PDE10A: variants seen among roughly 807,000 people sequenced by gnomAD.
The protein encoded by PDE10A is phosphodiesterase 10A.
A neutral mutation model predicts 97.7 loss-of-function variants in PDE10A; 39 were observed. The observed-to-expected ratio is 0.40, with a 90% CI of 0.31 to 0.52. The LOEUF is 0.52. PDE10A is among the 20% of genes least tolerant of loss of function. The pLI, the probability that PDE10A is intolerant of heterozygous loss-of-function variation, is 0.56. For missense variants in PDE10A, 731 were observed against 1,047.8 expected (o/e 0.70, Z 4.17); for synonymous variants, 371 against 376.8 (o/e 0.98, Z 0.18).
intron 1 of PDE10A, among the ~76,000 whole-genome samples, chr6:165,886,511 A>C (rs865863096): frequency 1.3e-5 from 2 of 152,258 alleles, no homozygotes; most frequent in South Asian, 2.1e-4. Flanking sequence ...GCCTGTGCAA[A>C]GTGAGTACAG....
At chr6:165,605,263 A>G (rs1428570473) in intron 1 of PDE10A, among the ~76,000 whole-genome samples, 3 of 152,034 alleles carry the variant, frequency 2.0e-5, no homozygotes, top group Non-Finnish European at 2.9e-5. Context: ...AAACAAAACA[A>G]AAAACAAACA....
intron 3 of PDE10A, among the ~76,000 whole-genome samples, chr6:165,454,457 A>G (rs1777827990): frequency 6.6e-6 from 1 of 152,200 alleles, no homozygotes; most frequent in South Asian, 2.1e-4. Context: ...GAGAGGTGGG[A>G]CCTTAAGAGA....
chr6:165,701,942 G>A (rs150890754), intron 1 of PDE10A, among the ~76,000 whole-genome samples: 143 of 152,302 alleles, frequency 9.4e-4, no homozygotes, highest in African/African-American at 3.3e-3. Context: ...GAACACTCCG[G>A]TGATACGGAG....
intron 16 of PDE10A, among the ~76,000 whole-genome samples, chr6:165,390,222 A>G (rs777029099): frequency 3.3e-5 from 5 of 152,204 alleles, no homozygotes; most frequent in Non-Finnish European, 7.3e-5. Flanking sequence ...AGGAAAACCA[A>G]GAGTGCCGAA....
Position 165,731,763 on chromosome 6 carries a change from G to A in PDE10A, c.-614-188195C>T, listed in dbSNP as rs557808062. 5.9e-5 allele frequency among the ~76,000 whole-genome samples: 9 copies of A among 152,306 alleles called. No individual in the cohort carries two copies. In the South Asian group the frequency reaches 1.7e-3, roughly 28 times the overall value. ...AGGACTTAGTGAGTGCTCCAGAAGA[G>A]TTAGTGACTGTCCTCATATTAAGTT... is the stretch of plus-strand genomic sequence containing the variant. On this transcript the variant is annotated intron_variant, in intron 1 of 19. Coordinates refer to the PDE10A transcript ENST00000366882.
chr6:165,594,073 T>TG, intron 1 of PDE10A, among the ~76,000 whole-genome samples: 1 of 152,338 alleles, frequency 6.6e-6, no homozygotes, highest in South Asian at 2.1e-4. Context: ...GCATTATAAC[T>TG]CATCATTTAA....
At chr6:165,710,984 GGGAGGC>G (rs1219613159) in intron 1 of PDE10A, among the ~76,000 whole-genome samples, 4 of 152,230 alleles carry the variant, frequency 2.6e-5, no homozygotes, top group Admixed American at 6.5e-5. Flanking sequence ...CCATCCCCGT[GGGAGGC>G]GGAACGGCAG....
At chr6:165,452,422 G>C (rs1791363757) in intron 3 of PDE10A, among the ~76,000 whole-genome samples, 1 of 152,216 alleles carries the variant, frequency 6.6e-6, no homozygotes, top group African/African-American at 2.4e-5. Context: ...AGTGTTGAGA[G>C]GTGGGACCTT....
rs77429229 is a variant in PDE10A at position 165,686,018 on chromosome 6, G to A, written c.-614-142450C>T. Among the ~76,000 whole-genome samples, 932 of 152,076 alleles carry A rather than the reference G, an allele frequency of 6.1e-3. 4 individuals carry two copies. Among genetic ancestry groups the A allele is most frequent in the South Asian group, 0.017 (83 of 4,806 alleles). On this transcript the variant is annotated intron_variant, in intron 1 of 19. Coordinates refer to the PDE10A transcript ENST00000366882. ...TGTGTTTGTGAATGGGGAAAGAGAT[G>A]GCCACTCTTCAGTGTGAATATTGGC...
chr6:165,929,621 C>G, intron 1 of PDE10A, among the ~76,000 whole-genome samples: 1 of 152,352 alleles, frequency 6.6e-6, no homozygotes, highest in African/African-American at 2.4e-5. Flanking sequence ...GCTGGAAAAT[C>G]ATGAAGTCGA....
Position 165,327,454 on chromosome 6 carries a change from T to A in PDE10A, c.*5571A>T, listed in dbSNP as rs1392348560. Reference sequence around the variant, plus strand: ...TTTAACCATGTAAGTAAAACAAAGATTTTGCAATATAACACTCATATATGC... The same window carrying A: ...TTTAACCATGTAAGTAAAACAAAGAATTTGCAATATAACACTCATATATGC... On this transcript the variant is annotated 3_prime_UTR_variant, in exon 22 of 22. Transcript: ENST00000539869. 2 of 152,218 alleles carry A rather than the reference T, an allele frequency of 1.3e-5. No homozygotes were observed. Among genetic ancestry groups the A allele is most frequent in the Non-Finnish European group, 2.9e-5 (2 of 68,036 alleles). 9.4% of individuals were successfully genotyped at this position (152,218 alleles called of 1,614,324 possible).
At chr6:165,815,127 T>A (rs1779375328) in intron 1 of PDE10A, among the ~76,000 whole-genome samples, 1 of 152,232 alleles carries the variant, frequency 6.6e-6, no homozygotes, top group Non-Finnish European at 1.5e-5. Flanking sequence ...GGAGAGGCTC[T>A]CTTTCGTCAT....
intron 1 of PDE10A, among the ~76,000 whole-genome samples, chr6:165,857,516 G>T (rs1780771754): frequency 6.6e-6 from 1 of 152,164 alleles, no homozygotes; most frequent in Non-Finnish European, 1.5e-5. Flanking sequence ...CTAGTAATGG[G>T]TCCCCATTGT....
At chr6:165,560,919 T>C (rs1784490222) in intron 1 of PDE10A, among the ~76,000 whole-genome samples, 1 of 152,020 alleles carries the variant, frequency 6.6e-6, no homozygotes, top group African/African-American at 2.4e-5. Context: ...GATCTGGTTG[T>C]TTAAAAGTGT....
intron 1 of PDE10A, among the ~76,000 whole-genome samples, chr6:165,705,419 A>G (rs979346707): frequency 6.6e-6 from 1 of 152,236 alleles, no homozygotes; most frequent in Non-Finnish European, 1.5e-5. Context: ...GTTCTTGTAC[A>G]GTTTTCTAAG....
chr6:165,437,142 C>T lies in PDE10A; in HGVS notation c.1195-1765G>A, dbSNP rs528230733. 2.0e-5 allele frequency among the ~76,000 whole-genome samples: 3 copies of T among 152,260 alleles called. No individual in the cohort carries two copies. The East Asian group carries it at 5.8e-4, about 29-fold the overall frequency. ...AACAGAAGGTGAACTCTGGAGCAAG[C>T]TTCCAACAGTAACTCTGTATTTTTT... On this transcript the variant is annotated intron_variant, in intron 5 of 21. Coordinates refer to ENST00000539869, the MANE Select transcript of PDE10A (RefSeq NM_001385079.1).
chr6:165,395,284 GTTTATCAC>G lies in PDE10A; in HGVS notation c.2220-28_2220-21del. On this transcript the variant is annotated intron_variant, in intron 14 of 21. Coordinates refer to ENST00000539869, the MANE Select transcript of PDE10A (RefSeq NM_001385079.1). ...TGGAATCTGAAATTTTAAAAGGGCAGTTTATCACTAAACGTGATTAGAATAAACACAGT... is the reference window on the plus strand; with the variant it reads ...TGGAATCTGAAATTTTAAAAGGGCAGTAAACGTGATTAGAATAAACACAGT... The G allele has an allele frequency of 6.7e-7, 1 of 1,495,758 alleles. No individual in the cohort carries two copies. The highest frequency in any genetic ancestry group is 9.3e-7 in the Non-Finnish European group (1 of 1,072,524). 92.7% of individuals were successfully genotyped at this position (1,495,758 alleles called of 1,614,324 possible). A position where few individuals can be genotyped will look rare whatever the true frequency, so the allele number is the denominator to read the frequency against.
At chr6:165,424,491 C>T (rs897129413) in intron 10 of PDE10A, among the ~76,000 whole-genome samples, 5 of 140,770 alleles carry the variant, frequency 3.6e-5, no homozygotes, top group Non-Finnish European at 8.0e-5. Context: ...AGAGATCTAC[C>T]CCAATAAGAC....
At chr6:165,454,175 G>A (rs909273318) in intron 3 of PDE10A, among the ~76,000 whole-genome samples, 1 of 152,148 alleles carries the variant, frequency 6.6e-6, no homozygotes, top group South Asian at 2.1e-4. Context: ...TTCTACCACT[G>A]AATTTTGGAA....
Sources: gnomAD v4.1 joint callset for allele counts (sites outside exome capture counted in the v4.1 genomes callset) on GRCh38, gnomAD v4.1.1 for gene constraint, MANE v1.5 for transcripts, NCBI Gene and HGNC (gene_info 2026-07-23, HGNC 2026-07-21) for gene names.